Variants in ITPR1 observed in about 807,000 individuals in gnomAD.
The protein encoded by ITPR1 is inositol 1,4,5-trisphosphate-gated calcium channel ITPR1.
In ITPR1, 96 loss-of-function variants were observed where a neutral mutation model predicts 318.4. That is an observed-to-expected ratio of 0.30 (90% CI 0.26 to 0.36). The LOEUF (loss-of-function observed/expected upper bound fraction) is 0.36, where lower values mean the gene tolerates loss of function less well. Among genes scored for constraint, ITPR1 ranks in the 10% least tolerant of loss-of-function variants. ITPR1 has a pLI of 1.00. For missense variants in ITPR1, 2,440 were observed against 3,460.2 expected (o/e 0.71, Z 7.40); for synonymous variants, 1,312 against 1,289.9 (o/e 1.02, Z -0.37).
chr3:4,617,496 C>G (rs2092431767), intron 4 of ITPR1, among the ~76,000 whole-genome samples: 1 of 152,178 alleles, frequency 6.6e-6, no homozygotes, highest in Admixed American at 6.5e-5. Context: ...ATTAAGCCCA[C>G]TCATGATAGT....
At chr3:4,518,441 A>T (rs1030474427) in intron 3 of ITPR1, among the ~76,000 whole-genome samples, 9 of 152,170 alleles carry the variant, frequency 5.9e-5, no homozygotes, top group Non-Finnish European at 1.0e-4. Flanking sequence ...TGGGTTGCTA[A>T]TACTTTCTTG....
rs2042430068 is a variant in ITPR1, at chr3:4,725,310, A to T, written c.5137-236A>T. On this transcript the variant is annotated intron_variant, in intron 40 of 61. Transcript: ENST00000649015. ...TTTTTTTGTTTCTTTCTTATCTTAA[A>T]TGTGTTCCCCCATCGCAGGTCGATT... 1.3e-5 allele frequency among the ~76,000 whole-genome samples: 2 copies of T among 151,774 alleles called. 1 individual carries two copies. Among genetic ancestry groups the T allele is most frequent in the South Asian group, 4.2e-4 (2 of 4,798 alleles).
At chr3:4,621,512 T>A (rs1033580706) in intron 4 of ITPR1, among the ~76,000 whole-genome samples, 1 of 152,196 alleles carries the variant, frequency 6.6e-6, no homozygotes, top group Non-Finnish European at 1.5e-5. Context: ...CGAGATTTGG[T>A]GGGGACACAG....
chr3:4,569,560 A>G (rs2087761720), intron 4 of ITPR1, among the ~76,000 whole-genome samples: 1 of 152,150 alleles, frequency 6.6e-6, no homozygotes, highest in African/African-American at 2.4e-5. Flanking sequence ...CTTAAACTCA[A>G]ATCTCTGATG....
intron 4 of ITPR1, among the ~76,000 whole-genome samples, chr3:4,620,781 G>A (rs2092599408): frequency 6.7e-6 from 1 of 150,150 alleles, no homozygotes; most frequent in African/African-American, 2.5e-5. Flanking sequence ...GCTTTTGTCA[G>A]CCTGAATTAA....
rs146876632 is a variant in ITPR1, at chr3:4,706,992, G to C, written c.4842+641G>C. On this transcript the variant is annotated intron_variant, in intron 37 of 61. Coordinates refer to ENST00000649015, the MANE Select transcript of ITPR1 (RefSeq NM_001378452.1). ...TTTGAGAATCGCAGATCCTTTGAAT[G>C]AGCCCACAAGCAGTGTTTAAGAGTG... 3.7e-3 allele frequency among the ~76,000 whole-genome samples: 567 copies of C among 152,260 alleles called. 4 individuals carry two copies. Among genetic ancestry groups the C allele is most frequent in the African/African-American group, 0.013 (530 of 41,554 alleles).
intron 55 of ITPR1, among the ~76,000 whole-genome samples, chr3:4,810,856 G>A (rs1044602601): frequency 6.6e-6 from 1 of 152,198 alleles, no homozygotes; most frequent in African/African-American, 2.4e-5. Flanking sequence ...CTTCCCACCA[G>A]ACACTGGGCT....
rs139732752 is a variant in ITPR1 at position 4,762,204 on chromosome 3, A to G, written c.5545-4326A>G. Reference sequence around the variant, plus strand: ...ATTTCATTGAGACAGAAGTCTCACTATGTTGCCCAGGTAGGCCTTGTAACT... The same window carrying G: ...ATTTCATTGAGACAGAAGTCTCACTGTGTTGCCCAGGTAGGCCTTGTAACT... On this transcript the variant is annotated intron_variant, in intron 44 of 61. Transcript: ENST00000649015. Among the ~76,000 whole-genome samples the G allele has an allele frequency of 3.0e-3, 450 of 152,250 alleles. 5 individuals carry two copies. The highest frequency in any genetic ancestry group is 0.01 in the African/African-American group (428 of 41,540).
At chr3:4,739,698 G>A (rs1448314337) in intron 44 of ITPR1, among the ~76,000 whole-genome samples, 2 of 152,182 alleles carry the variant, frequency 1.3e-5, no homozygotes, top group African/African-American at 4.8e-5. Flanking sequence ...AAATTTAATA[G>A]CCTAAAGCAA....
intron 17 of ITPR1, among the ~76,000 whole-genome samples, chr3:4,666,324 A>C (rs1176843980): frequency 3.9e-5 from 6 of 152,174 alleles, no homozygotes; most frequent in Non-Finnish European, 7.3e-5. Context: ...TTTGAAGTGT[A>C]TCAAGCTGTG....
At chr3:4,676,409 A>G (rs1197126564) in intron 23 of ITPR1, among the ~76,000 whole-genome samples, 1 of 152,036 alleles carries the variant, frequency 6.6e-6, no homozygotes, top group Non-Finnish European at 1.5e-5. Flanking sequence ...CCCTCTGGGG[A>G]TTTTGAAGCC....
At chr3:4,637,289 C>T (rs2093219786) in intron 5 of ITPR1, among the ~76,000 whole-genome samples, 1 of 152,332 alleles carries the variant, frequency 6.6e-6, no homozygotes, top group South Asian at 2.1e-4. Context: ...AAATGGCTCT[C>T]CGCAAAGAAT....
intron 59 of ITPR1, 40 bp downstream of exon 59, chr3:4,815,258 C>G: frequency 6.2e-7 from 1 of 1,604,786 alleles, no homozygotes; most frequent in Non-Finnish European, 8.5e-7. Context: ...GCGTGAAGGC[C>G]CAGCGTGGCA....
intron 4 of ITPR1, among the ~76,000 whole-genome samples, chr3:4,591,623 G>A (rs548878576): frequency 4.7e-4 from 72 of 152,336 alleles, no homozygotes; most frequent in African/African-American, 1.7e-3. Context: ...GAAGAAACAT[G>A]ACTGTCTTCA....
intron 4 of ITPR1, among the ~76,000 whole-genome samples, chr3:4,585,703 C>A (rs1403920434): frequency 2.0e-5 from 3 of 152,102 alleles, no homozygotes; most frequent in African/African-American, 4.8e-5. Context: ...TCCCAAAGTG[C>A]TAGGATTACA....
intron 4 of ITPR1, among the ~76,000 whole-genome samples, chr3:4,548,999 G>T (rs529086670): frequency 6.6e-6 from 1 of 152,246 alleles, no homozygotes; most frequent in East Asian, 1.9e-4. Context: ...GGGAGGGGGG[G>T]ACTTGTTTTT....
chr3:4,804,450 T>C (rs2048434658), intron 54 of ITPR1, among the ~76,000 whole-genome samples: 1 of 152,178 alleles, frequency 6.6e-6, no homozygotes, highest in South Asian at 2.1e-4. Context: ...GAGGTGGGGA[T>C]GGAAGCCAGA....
chr3:4,720,315 A>T (rs2042059075), intron 40 of ITPR1, among the ~76,000 whole-genome samples: 1 of 152,188 alleles, frequency 6.6e-6, no homozygotes, highest in South Asian at 2.1e-4. Flanking sequence ...GAATCCGGGG[A>T]CTTCTACCTA....
In ITPR1 at chr3:4,627,848, C is replaced by T. The variant is rs1575792887; in HGVS notation, c.249C>T (p.Thr83=). The T allele has an allele frequency of 2.5e-6, 4 of 1,613,470 alleles. No homozygotes were observed. Among genetic ancestry groups the T allele is most frequent in the South Asian group, 1.1e-5 (1 of 91,000 alleles). Residue 83 remains threonine, a synonymous_variant, in exon 5 of 62, where the codon ACC becomes ACT. Coordinates refer to ENST00000649015, the MANE Select transcript of ITPR1 (RefSeq NM_001378452.1). ...WKAAKPGANS[T]TDAVLLNKLH... Reference sequence around the variant, plus strand: ...CCGCTAAGCCTGGGGCCAACAGCACCACAGACGCAGTGCTACTCAACAAAC... The same window carrying T: ...CCGCTAAGCCTGGGGCCAACAGCACTACAGACGCAGTGCTACTCAACAAAC...
Sources: gnomAD v4.1 joint callset for allele counts (sites outside exome capture counted in the v4.1 genomes callset) on GRCh38, gnomAD v4.1.1 for gene constraint, MANE v1.5 for transcripts, NCBI Gene and HGNC (gene_info 2026-07-23, HGNC 2026-07-21) for gene names.